The following PRPF6 variants were observed in gnomAD, a reference collection of about 807,000 sequenced individuals.
PRPF6 encodes pre-mRNA-processing factor 6.
PRPF6 carries 42 observed loss-of-function variants against 118.3 expected under a neutral mutation model. That is an observed-to-expected ratio of 0.35 (90% CI 0.28 to 0.46). The LOEUF is 0.46. PRPF6 is among the 20% of genes least tolerant of loss of function. PRPF6 has a pLI of 1.00. For missense variants in PRPF6, 662 were observed against 1,255.7 expected (o/e 0.53, Z 7.15); for synonymous variants, 481 against 485.1 (o/e 0.99, Z 0.11).
intron 4 of PRPF6, among the ~76,000 whole-genome samples, chr20:63,993,799 G>C (rs539573732): frequency 9.4e-4 from 143 of 151,766 alleles, no homozygotes; most frequent in Middle Eastern, 6.8e-3. Flanking sequence ...GCCCTGGCTG[G>C]AGTGCAGTGG....
At chr20:64,016,678 C>G (rs1255296849) in intron 11 of PRPF6, 45 bp from the exon 12 acceptor site, 2 of 1,611,834 alleles carry the variant, frequency 1.2e-6, no homozygotes, top group Non-Finnish European at 1.7e-6. Context: ...GAATCTGCAG[C>G]TCTGATTTCC....
intron 14 of PRPF6, among the ~76,000 whole-genome samples, chr20:64,025,425 C>G (rs1179175312): frequency 6.6e-6 from 1 of 152,240 alleles, no homozygotes; most frequent in Non-Finnish European, 1.5e-5. Context: ...TGCGTGTCCA[C>G]TGGGCTCTGG....
chr20:63,993,542 C>T, intron 4 of PRPF6, 57 bp downstream of exon 4: 4 of 1,399,936 alleles, frequency 2.9e-6, no homozygotes, highest in Non-Finnish European at 4.0e-6. Context: ...CCCTAACCCG[C>T]AGAGACTCAG....
intron 11 of PRPF6, among the ~76,000 whole-genome samples, chr20:64,016,238 C>T (rs1036258600): frequency 2.0e-5 from 3 of 151,878 alleles, no homozygotes; most frequent in South Asian, 2.1e-4. Context: ...TCTCCTGCCT[C>T]GGCCTCCCGA....
Position 63,999,758 on chromosome 20 carries a change from A to G in PRPF6, c.1022A>G (p.Lys341Arg). 1 of 1,614,044 alleles carries G rather than the reference A, an allele frequency of 6.2e-7. No individual in the cohort carries two copies. Among genetic ancestry groups the G allele is most frequent in the Non-Finnish European group, 8.5e-7 (1 of 1,179,976 alleles). The part of the protein sequence containing the change: ...LIMKGTEMCP[K>R]SEDVWLEAAR... The stretch of plus-strand genomic sequence containing the variant: ...ATGAAGGGGACGGAGATGTGCCCCA[A>G]GGTGAGGTATTTCCTGGGAGGCGTT... Residue 341 changes from lysine to arginine, a missense_variant and splice_region_variant, in exon 8 of 21, where the codon AAG (lysine) becomes AGG (arginine). Physicochemically the swap from Lys to Arg is conservative, Grantham distance 26 (BLOSUM62 2). Transcript: ENST00000266079.
At chr20:63,998,560 G>A (rs970850423) in intron 6 of PRPF6, among the ~76,000 whole-genome samples, 5 of 150,788 alleles carry the variant, frequency 3.3e-5, no homozygotes, top group African/African-American at 1.2e-4. Context: ...TATAGATCTT[G>A]GACAGACGCG....
intron 3 of PRPF6, among the ~76,000 whole-genome samples, chr20:63,988,146 C>G (rs907362338): frequency 1.3e-5 from 2 of 151,912 alleles, no homozygotes; most frequent in Non-Finnish European, 2.9e-5. Context: ...ATAGTGAAAC[C>G]CTGTCTCTAC....
At chr20:64,020,098 A>G (rs938997287) in intron 12 of PRPF6, among the ~76,000 whole-genome samples, 1 of 152,202 alleles carries the variant, frequency 6.6e-6, no homozygotes, top group Non-Finnish European at 1.5e-5. Flanking sequence ...TACCTTCAGC[A>G]ACAAACTCCT....
chr20:64,032,795 G>C, intron 20 of PRPF6, 46 bp from the exon 21 acceptor site: 1 of 1,569,858 alleles, frequency 6.4e-7, no homozygotes. Context: ...GGTCCGGGGA[G>C]TAGCGTGGGA....
Position 64,024,581 on chromosome 20 carries a change from G to A in PRPF6, c.1796G>A (p.Arg599Lys), listed in dbSNP as rs2059279760. The change falls in exon 14 of 21, where the codon AGG (arginine) becomes AAG (lysine). Residue 599 changes from arginine to lysine, a missense_variant. Transcript: ENST00000266079. ...TRESLEALLQ[R>K]AVAHCPKAEV... ...GAGTCCCTGGAAGCACTCCTGCAGA[G>A]GGCTGTGGCCCACTGCCCCAAAGCA... 6 of 1,613,678 alleles carry A rather than the reference G, an allele frequency of 3.7e-6. No individual in the cohort carries two copies. Among genetic ancestry groups the A allele is most frequent in the Non-Finnish European group, 5.1e-6 (6 of 1,180,038 alleles).
At chr20:64,032,322 G>C (rs1249626590) in intron 20 of PRPF6, among the ~76,000 whole-genome samples, 1 of 152,236 alleles carries the variant, frequency 6.6e-6, no homozygotes, top group African/African-American at 2.4e-5. Flanking sequence ...ATTTTAACGA[G>C]TTATTTGCTG....
At position 64,016,727 on chromosome 20, in the gene PRPF6, C is replaced by T; in HGVS notation, c.1529C>T (p.Ala510Val). 6.2e-7 allele frequency: 1 copy of T among 1,614,028 alleles called. No individual in the cohort carries two copies. Among genetic ancestry groups the T allele is most frequent in the Non-Finnish European group, 8.5e-7 (1 of 1,179,960 alleles). The part of the protein sequence containing the change: ...EINREQWIQD[A>V]EECDRAGSVA... ...AGTTTTGTGTTCCTCTTTCAGGATGCCGAGGAATGTGACAGGGCTGGGAGT... is the reference window on the plus strand; with the variant it reads ...AGTTTTGTGTTCCTCTTTCAGGATGTCGAGGAATGTGACAGGGCTGGGAGT... Residue 510 changes from alanine (A) to valine (V), a missense_variant, in exon 12 of 21, where the codon GCC becomes GTC. This residue lies in a region of PRPF6 where 189 missense variants were observed against 323.5 expected (regional missense o/e 0.58). Coordinates refer to ENST00000266079, the MANE Select transcript of PRPF6 (RefSeq NM_012469.4).
chr20:63,983,125 C>T lies in PRPF6; in HGVS notation c.150C>T (p.Pro50=). ...ACCCTGTGGATGATCGCCATGCACC[C>T]CCAGGCAAGAGAACCGTTGGGGACC... is the stretch of plus-strand genomic sequence containing the variant. The part of the protein sequence containing the change: ...ANDPVDDRHA[P]PGKRTVGDQM... The change falls in exon 2 of 21, where the codon CCC becomes CCT. Residue 50 remains proline (P), a synonymous_variant. Transcript: ENST00000266079. The T allele has an allele frequency of 6.2e-7, 1 of 1,614,142 alleles. No homozygotes were observed.
intron 9 of PRPF6, among the ~76,000 whole-genome samples, chr20:64,009,578 C>T (rs1177544195): frequency 6.6e-6 from 1 of 152,044 alleles, no homozygotes; most frequent in Non-Finnish European, 1.5e-5. Flanking sequence ...CAAAAATTAG[C>T]CAGGCGTGGT....
chr20:63,988,297 G>A (rs558818146), intron 3 of PRPF6, among the ~76,000 whole-genome samples: 2 of 150,888 alleles, frequency 1.3e-5, no homozygotes, highest in South Asian at 4.2e-4. Flanking sequence ...TCCAGCCTGA[G>A]TGACGGGGCA....
chr20:63,981,588 G>A (rs1337316198), intron 1 of PRPF6, among the ~76,000 whole-genome samples: 1 of 152,126 alleles, frequency 6.6e-6, no homozygotes, highest in Non-Finnish European at 1.5e-5. Context: ...GAGGAGTAGA[G>A]GAATCTGACG....
chr20:64,002,340 C>T (rs1209173088), intron 9 of PRPF6, among the ~76,000 whole-genome samples: 2 of 126,290 alleles, frequency 1.6e-5, no homozygotes, highest in Non-Finnish European at 3.4e-5. Context: ...GGCTTCTATC[C>T]ATTTTTTTTT....
At chr20:64,021,459 CAT>C (rs1307678929) in intron 12 of PRPF6, among the ~76,000 whole-genome samples, 1 of 125,078 alleles carries the variant, frequency 8.0e-6, no homozygotes, top group Non-Finnish European at 1.6e-5. Flanking sequence ...AGCCCCCGTG[CAT>C]GTGTGTGCAT....
At chr20:63,995,162 G>T in intron 5 of PRPF6, 70 bp downstream of exon 5, 1 of 1,607,848 alleles carries the variant, frequency 6.2e-7, no homozygotes, top group South Asian at 1.1e-5. Flanking sequence ...ATGGTGGGTG[G>T]TGTTGGATTC....
Sources: allele counts gnomAD v4.1 joint callset (sites outside exome capture counted in the v4.1 genomes callset), GRCh38; gene constraint gnomAD v4.1.1; regional missense constraint gnomAD v4.1.1; transcripts MANE v1.5; gene names NCBI Gene and HGNC (gene_info 2026-07-23, HGNC 2026-07-21).